The following DST variants were observed in gnomAD, a reference collection of about 807,000 sequenced individuals.
The protein encoded by DST is bullous pemphigoid antigen.
DST carries 253 observed loss-of-function variants against 875.2 expected under a neutral mutation model. The observed-to-expected ratio is 0.29, with a 90% CI of 0.26 to 0.32. The LOEUF is 0.32. Among genes scored for constraint, DST ranks in the 10% least tolerant of loss-of-function variants. The probability of loss-of-function intolerance (pLI) is 1.00; values close to 1 mark genes in which losing one functional copy is unlikely to be tolerated. For synonymous variants in DST, 3,124 were observed against 3,197.1 expected (o/e 0.98, Z 0.77); for missense variants, 8,287 against 9,111.6 (o/e 0.91, Z 3.68).
intron 2 of DST, among the ~76,000 whole-genome samples, chr6:56,952,567 T>C (rs2127823352): frequency 6.6e-6 from 1 of 152,322 alleles, no homozygotes; most frequent in African/African-American, 2.4e-5. Flanking sequence ...AACATTATCG[T>C]TTATTTTTAT....
At chr6:56,511,783 T>C (rs776212399) in intron 72 of DST, among the ~76,000 whole-genome samples, 7 of 152,010 alleles carry the variant, frequency 4.6e-5, no homozygotes, top group Non-Finnish European at 8.8e-5. Flanking sequence ...TATCTGATGG[T>C]GTTCCTTTCT....
At position 56,631,891 on chromosome 6, in the gene DST, C is replaced by T; in HGVS notation, c.3955G>A (p.Glu1319Lys). ...ATATTTATAGCTCTCACCTCCTGTT[C>T]TGTGATTCTGAACACACTTTCATGC... ...DLHESVFRITEQEKLKKELER... is the reference protein window; with the variant it reads ...DLHESVFRITKQEKLKKELER... The change falls in exon 29 of 104, where the codon GAA becomes AAA. Residue 1319 changes from glutamate (E) to lysine (K), a missense_variant. Physicochemically the swap from Glu to Lys is moderately conservative, Grantham distance 56 (BLOSUM62 1). Around this residue, in one of 10 missense-constraint regions of DST, gnomAD observed 3,138 missense variants for 3,116.6 expected, o/e 1.01. Transcript: ENST00000680361. 1.2e-6 allele frequency: 2 copies of T among 1,613,954 alleles called. No individual in the cohort carries two copies. The highest frequency in any genetic ancestry group is 2.2e-5 in the East Asian group (1 of 44,842).
Position 56,460,273 on chromosome 6 carries a change from A to AAG in DST, c.23071-21_23071-20dup. The AAG allele has an allele frequency of 6.2e-7, 1 of 1,613,744 alleles. No homozygotes were observed. The highest frequency in any genetic ancestry group is 1.1e-5 in the South Asian group (1 of 91,050). On this transcript the variant is annotated intron_variant, in intron 102 of 103. Coordinates refer to ENST00000680361, the MANE Select transcript of DST (RefSeq NM_001374736.1). Reference sequence around the variant, plus strand: ...GCGTTCCCTGTATTTAACCAGCAACAAGACATTTCAAAATATTGCTCCTGT... The same window carrying AAG: ...GCGTTCCCTGTATTTAACCAGCAACAAGAGACATTTCAAAATATTGCTCCTGT...
At chr6:56,801,671 C>T (rs991639793) in intron 4 of DST, among the ~76,000 whole-genome samples, 1 of 151,586 alleles carries the variant, frequency 6.6e-6, no homozygotes, top group Admixed American at 6.6e-5. Flanking sequence ...GGAAAAAAAT[C>T]ACAATGTAAG....
intron 90 of DST, among the ~76,000 whole-genome samples, chr6:56,481,368 A>G (rs1391718310): frequency 6.6e-6 from 1 of 152,202 alleles, no homozygotes; most frequent in East Asian, 1.9e-4. Context: ...TTGTTAAGAG[A>G]TATTTGGATT....
At chr6:56,931,036 C>T (rs559160028) in intron 2 of DST, among the ~76,000 whole-genome samples, 12 of 152,224 alleles carry the variant, frequency 7.9e-5, no homozygotes, top group Non-Finnish European at 1.5e-4. Context: ...GCCTCACTGT[C>T]AGTCATTTAT....
intron 36 of DST, chr6:56,616,015 G>C: frequency 6.2e-7 from 1 of 1,614,210 alleles, no homozygotes. Context: ...CCCCTGTACT[G>C]ACTTGGGCTT....
intron 4 of DST, among the ~76,000 whole-genome samples, chr6:56,829,667 C>A (rs1050705828): frequency 3.9e-5 from 6 of 151,984 alleles, no homozygotes; most frequent in African/African-American, 1.4e-4. Flanking sequence ...TCAAAAGTAA[C>A]CAGATCATAT....
chr6:56,619,301 T>C, intron 36 of DST: 1 of 1,611,950 alleles, frequency 6.2e-7, no homozygotes, highest in Non-Finnish European at 8.5e-7. Context: ...CCTAGTAAGC[T>C]CCTCTACTTT....
intron 5 of DST, among the ~76,000 whole-genome samples, chr6:56,726,569 C>T (rs1589254650): frequency 6.6e-6 from 1 of 152,226 alleles, no homozygotes; most frequent in Non-Finnish European, 1.5e-5. Flanking sequence ...CAGAACATAG[C>T]AGTCAGAAGA....
intron 3 of DST, among the ~76,000 whole-genome samples, chr6:56,853,622 T>A (rs1766377644): frequency 6.6e-6 from 1 of 152,218 alleles, no homozygotes; most frequent in South Asian, 2.1e-4. Context: ...ACTTGGAGAA[T>A]AACTGTTAAA....
chr6:56,575,173 T>C (rs2097846145), intron 50 of DST, among the ~76,000 whole-genome samples: 1 of 151,744 alleles, frequency 6.6e-6, no homozygotes, highest in Non-Finnish European at 1.5e-5. Flanking sequence ...GGTTCAAAAA[T>C]AAGCTCTCAA....
intron 87 of DST, among the ~76,000 whole-genome samples, chr6:56,486,409 G>A (rs1250640901): frequency 1.5e-5 from 2 of 134,478 alleles, no homozygotes; most frequent in Admixed American, 7.2e-5. Context: ...AAACTAACAT[G>A]ACAAAAACTT....
chr6:56,700,770 C>T (rs2099298135), intron 8 of DST, among the ~76,000 whole-genome samples: 1 of 151,898 alleles, frequency 6.6e-6, no homozygotes, highest in African/African-American at 2.4e-5. Context: ...CAAAATGCTG[C>T]CAGAAAACAT....
At chr6:56,625,698 T>C (rs1319811686) in intron 34 of DST, among the ~76,000 whole-genome samples, 1 of 151,498 alleles carries the variant, frequency 6.6e-6, no homozygotes, top group Admixed American at 6.6e-5. Context: ...TACCACACTA[T>C]ACTTTTAGTT....
intron 69 of DST, 55 bp from the exon 70 acceptor site, chr6:56,517,675 A>T (rs1018091760): frequency 1.9e-6 from 3 of 1,558,144 alleles, no homozygotes; most frequent in African/African-American, 2.7e-5. Flanking sequence ...ATGCCAGAAA[A>T]TACCTATCTA....
chr6:56,566,182 G>GC (rs1319105756), intron 55 of DST, among the ~76,000 whole-genome samples: 1 of 152,134 alleles, frequency 6.6e-6, no homozygotes, highest in East Asian at 1.9e-4. Flanking sequence ...CATGGCTTCA[G>GC]CCCCCTTTCC....
intron 3 of DST, among the ~76,000 whole-genome samples, chr6:56,864,719 C>A (rs766851301): frequency 2.6e-5 from 4 of 152,084 alleles, no homozygotes; most frequent in Non-Finnish European, 5.9e-5. Flanking sequence ...GCACATACTA[C>A]TCAATACATT....
At chr6:56,649,303 T>C (rs953274442) in intron 12 of DST, among the ~76,000 whole-genome samples, 2 of 152,176 alleles carry the variant, frequency 1.3e-5, no homozygotes, top group African/African-American at 4.8e-5. Flanking sequence ...TTGTGTTGAG[T>C]GTTATAATAA....
Sources: allele counts gnomAD v4.1 joint callset (sites outside exome capture counted in the v4.1 genomes callset), GRCh38; gene constraint gnomAD v4.1.1; regional missense constraint gnomAD v4.1.1; transcripts MANE v1.5; gene names NCBI Gene and HGNC (gene_info 2026-07-23, HGNC 2026-07-21).